The following BCAS3 variants were observed in gnomAD, a reference collection of about 807,000 sequenced individuals.
The protein encoded by BCAS3 is BCAS3 microtubule associated cell migration factor, also known as BCAS4/BCAS3 fusion.
In BCAS3, 53 loss-of-function variants were observed where a neutral mutation model predicts 116.1. The observed-to-expected ratio is 0.46, with a 90% CI of 0.37 to 0.57. The LOEUF is 0.57. Ranked by LOEUF, BCAS3 falls within the 20% of genes least tolerant of loss-of-function variation. The probability of loss-of-function intolerance (pLI) is 0.00; values close to 1 mark genes in which losing one functional copy is unlikely to be tolerated. For synonymous variants in BCAS3, 391 were observed against 408.2 expected (o/e 0.96, Z 0.51); for missense variants, 917 against 1,165.4 (o/e 0.79, Z 3.10).
At chr17:60,736,787 T>G (rs1268963806) in intron 5 of BCAS3, among the ~76,000 whole-genome samples, 1 of 152,090 alleles carries the variant, frequency 6.6e-6, no homozygotes, top group Non-Finnish European at 1.5e-5. Flanking sequence ...TTCATCTAGG[T>G]TATCAAACTT....
intron 10 of BCAS3, among the ~76,000 whole-genome samples, chr17:60,897,034 A>G (rs765039189): frequency 1.3e-5 from 2 of 152,044 alleles, no homozygotes; most frequent in Non-Finnish European, 2.9e-5. Context: ...TTTTTGTGAT[A>G]CTAAATGTTG....
At chr17:61,273,933 G>A (rs989802167) in intron 22 of BCAS3, among the ~76,000 whole-genome samples, 30 of 148,118 alleles carry the variant, frequency 2.0e-4, no homozygotes, top group African/African-American at 6.7e-4. Context: ...TCCCCCACTG[G>A]CTTAATTTAT....
Position 61,226,996 on chromosome 17 carries a change from G to A in BCAS3, c.2426-141331G>A, listed in dbSNP as rs1048158560. ...GGTGGGCCTTCCTGATGGGACCCTC[G>A]AGGGAGGAGAGGATGGAGACTGGGA... On this transcript the variant is annotated intron_variant, in intron 22 of 23. Transcript: ENST00000407086. The surrounding 1 kb of genome is among the most constrained non-coding windows in gnomAD (Gnocchi z 6.0). Among the ~76,000 whole-genome samples the A allele has an allele frequency of 2.0e-5, 3 of 152,180 alleles. No individual in the cohort carries two copies. The highest frequency in any genetic ancestry group is 4.8e-5 in the African/African-American group (2 of 41,448).
At chr17:60,810,936 C>T (rs567090045) in intron 7 of BCAS3, 37 of 688,022 alleles carry the variant, frequency 5.4e-5, no homozygotes, top group South Asian at 2.6e-4. Context: ...CCCAATATGA[C>T]GAACTGGCTC....
At chr17:61,044,465 A>AAAAAAAAAAAAAAAAAAAAAAATATAT in intron 19 of BCAS3, among the ~76,000 whole-genome samples, 1 of 120,126 alleles carries the variant, frequency 8.3e-6, no homozygotes, top group African/African-American at 5.0e-5. Flanking sequence ...AAAAAAAAAA[A>AAAAAAAAAAAAAAAAAAAAAAATATAT]ATATATATAT....
chr17:60,985,929 G>A (rs992066254), intron 14 of BCAS3, among the ~76,000 whole-genome samples: 3 of 152,150 alleles, frequency 2.0e-5, no homozygotes, highest in African/African-American at 7.2e-5. Context: ...TAGAAACAGG[G>A]TTTCACCATG....
rs1316395399 is a variant in BCAS3, at chr17:61,241,448, A to C, written c.2426-126879A>C. ...ATAGTTTGGGCCTGCGCAGTGGCTC[A>C]CCCCTGTAATCCCAACACTTTGGGA... is the stretch of plus-strand genomic sequence containing the variant. On this transcript the variant is annotated intron_variant, in intron 22 of 23. Coordinates refer to ENST00000407086, the MANE Select transcript of BCAS3 (RefSeq NM_017679.5). This position sits in a 1 kb window ranked among gnomAD's most constrained non-coding sequence, Gnocchi z 4.6. Among the ~76,000 whole-genome samples the C allele has an allele frequency of 6.6e-6, 1 of 151,970 alleles. No individual in the cohort carries two copies. The highest frequency in any genetic ancestry group is 1.5e-5 in the Non-Finnish European group (1 of 68,020).
In BCAS3 at chr17:60,775,718, C is replaced by T. The variant is rs1370043708; in HGVS notation, c.403+28439C>T. ...ATATTAAAAGAAGGAAAACAAAAAC[C>T]GTGTGTGCAAAGGAATGATCCGCAC... On this transcript the variant is annotated intron_variant, in intron 6 of 23. Coordinates refer to ENST00000407086, the MANE Select transcript of BCAS3 (RefSeq NM_017679.5). 4.6e-5 allele frequency among the ~76,000 whole-genome samples: 7 copies of T among 152,072 alleles called. No individual in the cohort carries two copies. In the East Asian group the frequency reaches 9.7e-4, roughly 21 times the overall value.
chr17:61,061,015 G>A (rs2069968086), intron 19 of BCAS3, among the ~76,000 whole-genome samples: 1 of 152,142 alleles, frequency 6.6e-6, no homozygotes, highest in African/African-American at 2.4e-5. Context: ...TTGTGGGCTT[G>A]TGTTCTCTGT....
Position 61,124,182 on chromosome 17 carries a change from A to G in BCAS3, c.2425+39618A>G, listed in dbSNP as rs572899226. Among the ~76,000 whole-genome samples, 35 of 152,260 alleles carry G rather than the reference A, an allele frequency of 2.3e-4. No homozygotes were observed. Among genetic ancestry groups the G allele is most frequent in the African/African-American group, 6.3e-4 (26 of 41,560 alleles). ...TTTTGTGTTTGTTTATTTAACACCAATGGTTTCCTATTGGCTTCTTTAGCT... is the reference window on the plus strand; with the variant it reads ...TTTTGTGTTTGTTTATTTAACACCAGTGGTTTCCTATTGGCTTCTTTAGCT... On this transcript the variant is annotated intron_variant, in intron 22 of 23. Transcript: ENST00000407086. The surrounding 1 kb of genome is among the most constrained non-coding windows in gnomAD (Gnocchi z 4.6).
chr17:61,038,213 C>T (rs2067195426), intron 18 of BCAS3, among the ~76,000 whole-genome samples, 159 bp downstream of exon 18: 1 of 152,008 alleles, frequency 6.6e-6, no homozygotes, highest in South Asian at 2.1e-4. Flanking sequence ...TTCTTGGTGA[C>T]CCTTTGTAAT....
chr17:60,942,506 A>G (rs546160439), intron 13 of BCAS3, among the ~76,000 whole-genome samples: 5 of 152,346 alleles, frequency 3.3e-5, no homozygotes, highest in South Asian at 4.1e-4. Context: ...AACTATGTCA[A>G]TAACCTCATG....
chr17:60,860,146 C>A (rs2054034062), intron 7 of BCAS3, among the ~76,000 whole-genome samples: 1 of 152,192 alleles, frequency 6.6e-6, no homozygotes, highest in Admixed American at 6.5e-5. Context: ...TTCTCCACAA[C>A]CTCGCTAGCA....
chr17:60,781,105 G>T (rs1478136602), intron 6 of BCAS3, among the ~76,000 whole-genome samples: 2 of 151,746 alleles, frequency 1.3e-5, no homozygotes, highest in African/African-American at 2.4e-5. Flanking sequence ...AGTAGGTTGG[G>T]GTTACAGGTG....
chr17:60,990,650 CTT>C lies in BCAS3; in HGVS notation c.1486+428_1486+429del, dbSNP rs779826122. ...TGTATTTTAGATAGAGCAGCATTTG[CTT>C]TTTTTTTTTTTTGAGACGGAGTCTT... is the stretch of plus-strand genomic sequence containing the variant. On this transcript the variant is annotated intron_variant, in intron 15 of 23. Transcript: ENST00000407086. The surrounding 1 kb of genome is among the most constrained non-coding windows in gnomAD (Gnocchi z 5.1). Among the ~76,000 whole-genome samples the C allele has an allele frequency of 7.8e-5, 11 of 140,904 alleles. No homozygotes were observed. Among genetic ancestry groups the C allele is most frequent in the Non-Finnish European group, 6.2e-5 (4 of 64,146 alleles). 92.4% of individuals were successfully genotyped at this position (140,904 alleles called of 152,430 possible).
rs72834610 is a variant in BCAS3 at position 61,258,547 on chromosome 17, T to G, written c.2426-109780T>G. Among the ~76,000 whole-genome samples, 2,714 of 152,386 alleles carry G rather than the reference T, an allele frequency of 0.018. 43 individuals carry two copies. The highest frequency in any genetic ancestry group is 0.031 in the Non-Finnish European group (2,095 of 68,042). ...TACTTCATGGTATCGTTGTGTGGAT[T>G]AAATGAAATTGCATGTAAAGTGCCT... is the stretch of plus-strand genomic sequence containing the variant. On this transcript the variant is annotated intron_variant, in intron 22 of 23. Transcript: ENST00000407086. This position sits in a 1 kb window ranked among gnomAD's most constrained non-coding sequence, Gnocchi z 4.7.
At position 61,080,120 on chromosome 17, in the gene BCAS3, G is replaced by T. The variant is rs188869033; in HGVS notation, c.2327+1591G>T. Among the ~76,000 whole-genome samples the T allele has an allele frequency of 5.5e-3, 842 of 151,820 alleles. 9 individuals carry two copies. Among genetic ancestry groups the T allele is most frequent in the South Asian group, 0.024 (117 of 4,788 alleles). ...GAGTTTCACTATGTTGGCCAGGCTG[G>T]TCTTGAACTCCTGACCTCAGGTGAT... On this transcript the variant is annotated intron_variant, in intron 21 of 23. Coordinates refer to ENST00000407086, the MANE Select transcript of BCAS3 (RefSeq NM_017679.5).
chr17:60,861,967 C>T (rs1451194695), intron 7 of BCAS3, among the ~76,000 whole-genome samples: 1 of 152,158 alleles, frequency 6.6e-6, no homozygotes, highest in Non-Finnish European at 1.5e-5. Flanking sequence ...GTTAATGTCT[C>T]TGCCAGGTTT....
intron 6 of BCAS3, among the ~76,000 whole-genome samples, chr17:60,798,802 C>T (rs925918718): frequency 1.4e-4 from 21 of 152,184 alleles, no homozygotes; most frequent in Non-Finnish European, 1.5e-5. Flanking sequence ...TTCCCATTAG[C>T]AGTATGTGAA....
Sources: gnomAD v4.1 joint callset for allele counts (sites outside exome capture counted in the v4.1 genomes callset) on GRCh38, gnomAD v4.1.1 for gene constraint, Gnocchi (gnomAD v3.1) non-coding constraint, MANE v1.5 for transcripts, NCBI Gene and HGNC (gene_info 2026-07-23, HGNC 2026-07-21) for gene names.